The following AHDC1 variants were observed in gnomAD, a reference collection of about 807,000 sequenced individuals.
AHDC1 encodes the protein AT-hook DNA binding motif containing 1, also known as transcription factor Gibbin.
A neutral mutation model predicts 87.9 loss-of-function variants in AHDC1; 7 were observed. That is an observed-to-expected ratio of 0.08 (90% CI 0.05 to 0.15). The LOEUF is 0.15. Ranked by LOEUF, AHDC1 falls within the 10% of genes least tolerant of loss-of-function variation. The pLI is 1.00. For missense variants in AHDC1, 1,841 were observed against 2,253.2 expected, an observed-to-expected ratio of 0.82 and a Z score of 3.70; for synonymous variants, 1,051 against 1,006.8, an observed-to-expected ratio of 1.04 and a Z score of -0.83.
intron 3 of AHDC1, among the ~76,000 whole-genome samples, chr1:27,572,681 G>GAC (rs2088573011): frequency 6.6e-6 from 1 of 152,204 alleles, no homozygotes; most frequent in Admixed American, 6.5e-5. Context: ...CGCAGTGTGG[G>GAC]ACTGTGCTGA....
rs770063964 is a variant in AHDC1 at position 27,551,820 on chromosome 1, G to A, written c.296C>T (p.Thr99Ile). ...GGAGCTGCTGCCGTCTCCGACCGGT[G>A]TGGGGCAGCGGGCCTGTGAGACAGG... is the stretch of plus-strand genomic sequence containing the variant. ...ARPVSQARCPTPVGDGSSSRR... is the reference protein window; with the variant it reads ...ARPVSQARCPIPVGDGSSSRR... Residue 99 changes from threonine (T) to isoleucine (I), a missense_variant, in exon 8 of 9, where the codon ACA becomes ATA. Thr to Ile is a moderately conservative substitution (Grantham distance 89). Transcript: ENST00000673934. The A allele has an allele frequency of 6.2e-7, 1 of 1,612,140 alleles. No homozygotes were observed.
chr1:27,596,272 C>G (rs558935059), intron 3 of AHDC1, among the ~76,000 whole-genome samples: 22 of 152,208 alleles, frequency 1.4e-4, no homozygotes, highest in African/African-American at 5.1e-4. Context: ...GCAGCGGATC[C>G]AAGCCCACCC....
rs760400267 is a variant in AHDC1 at position 27,549,249 on chromosome 1, C to T, written c.2867G>A (p.Arg956His). ...GGCAGGCGGGTGGGTGGTAGGTGAG[C>T]GGGCCATGGCTGAGGGCGGGGGCAC... ...KLVPPPSAMA[R>H]SPTTHPPANT... The change falls in exon 8 of 9, where the codon CGC becomes CAC. Residue 956 changes from arginine to histidine, a missense_variant. Physicochemically the swap from Arg to His is conservative, Grantham distance 29. Coordinates refer to ENST00000673934, the MANE Select transcript of AHDC1 (RefSeq NM_001371928.1). 22 of 1,602,624 alleles carry T rather than the reference C, an allele frequency of 1.4e-5. No homozygotes were observed. The highest frequency in any genetic ancestry group is 6.7e-5 in the Admixed American group (4 of 59,584).
At position 27,593,245 on chromosome 1, in the gene AHDC1, C is replaced by A. The variant is rs2089277093; in HGVS notation, c.-629+10152G>T. ...TCCCCTCCCCCTCCACTCCTCCAGG[C>A]AGGCAGCGATAGGATTACTTCTGCA... On this transcript the variant is annotated intron_variant, in intron 3 of 8. Transcript: ENST00000673934. This position sits in a 1 kb window ranked among gnomAD's most constrained non-coding sequence, Gnocchi z 4.9. Among the ~76,000 whole-genome samples, 1 of 152,094 alleles carries A rather than the reference C, an allele frequency of 6.6e-6. No individual in the cohort carries two copies. The highest frequency in any genetic ancestry group is 2.1e-4 in the South Asian group (1 of 4,834).
In AHDC1 at chr1:27,580,431, C is replaced by G. The variant is rs139316490; in HGVS notation, c.-628-21548G>C. ...GAGCTGGCACCACTACCCCTCTTCC[C>G]TTTTCTCCTGCTCTGCTATCTCCAC... On this transcript the variant is annotated intron_variant, in intron 3 of 8. Coordinates refer to ENST00000673934, the MANE Select transcript of AHDC1 (RefSeq NM_001371928.1). Among the ~76,000 whole-genome samples the G allele has an allele frequency of 9.0e-3, 1,369 of 152,308 alleles. 20 individuals are homozygous for G. Among genetic ancestry groups the G allele is most frequent in the African/African-American group, 0.031 (1,281 of 41,550 alleles).
intron 3 of AHDC1, among the ~76,000 whole-genome samples, chr1:27,579,044 CTTTTTT>C (rs367554284): frequency 1.5e-5 from 2 of 133,326 alleles, no homozygotes; most frequent in Non-Finnish European, 3.3e-5. Flanking sequence ...TGTTCTAAAT[CTTTTTT>C]TTTTTTTTTT....
intron 8 of AHDC1, among the ~76,000 whole-genome samples, chr1:27,539,138 CTTTTTTTTTTTTT>C (rs112072152): frequency 1.3e-4 from 16 of 125,364 alleles, no homozygotes; most frequent in Middle Eastern, 8.5e-3. Flanking sequence ...TTTTTCTTTT[CTTTTTTTTTTTTT>C]TTTTTGGAGA....
chr1:27,543,047 C>A (rs2018999538), intron 8 of AHDC1, among the ~76,000 whole-genome samples: 2 of 152,238 alleles, frequency 1.3e-5, no homozygotes, highest in South Asian at 4.1e-4. Context: ...CCCAGAGCAG[C>A]TGCGGCCTGG....
Position 27,550,068 on chromosome 1 carries a change from G to A in AHDC1, c.2048C>T (p.Ala683Val), listed in dbSNP as rs1020489249. 20 of 1,606,522 alleles carry A rather than the reference G, an allele frequency of 1.2e-5. No individual in the cohort carries two copies. The highest frequency in any genetic ancestry group is 4.0e-5 in the African/African-American group (3 of 74,830). ...GGFGGRGGGH[A>V]AKSARCSFSD... ...GAAGGAGCATCGGGCTGACTTGGCC[G>A]CATGGCCCCCACCCCGGCCACCAAA... Residue 683 changes from alanine (A) to valine (V), a missense_variant, in exon 8 of 9, where the codon GCG becomes GTG. Transcript: ENST00000673934.
At position 27,558,791 on chromosome 1, in the gene AHDC1, A is replaced by G; in HGVS notation, c.-536T>C. On this transcript the variant is annotated 5_prime_UTR_variant, in exon 4 of 9. Transcript: ENST00000673934. This position sits in a 1 kb window ranked among gnomAD's most constrained non-coding sequence, Gnocchi z 5.6. ...CCAGGGTGGTCTCTGCAACGGCCTG[A>G]GCGTCGCCCCGCACTCGGGGCCCTC... 2 of 398,576 alleles carry G rather than the reference A, an allele frequency of 5.0e-6. No individual in the cohort carries two copies. The highest frequency in any genetic ancestry group is 8.8e-6 in the Non-Finnish European group (2 of 226,084). 24.7% of individuals were successfully genotyped at this position (398,576 alleles called of 1,614,324 possible). A position where few individuals can be genotyped will look rare whatever the true frequency, so the allele number is the denominator to read the frequency against.
intron 3 of AHDC1, among the ~76,000 whole-genome samples, chr1:27,571,520 T>TC (rs1423796545): frequency 3.3e-5 from 5 of 149,322 alleles, no homozygotes; most frequent in African/African-American, 5.0e-5. Context: ...CCCACAGCCC[T>TC]CCCCCCAGGC....
chr1:27,578,426 A>C (rs1002850441), intron 3 of AHDC1, among the ~76,000 whole-genome samples: 1 of 151,642 alleles, frequency 6.6e-6, no homozygotes. Flanking sequence ...CCATCTCTAC[A>C]AAAAATACAA....
At chr1:27,540,393 A>C (rs2018848425) in intron 8 of AHDC1, among the ~76,000 whole-genome samples, 2 of 150,680 alleles carry the variant, frequency 1.3e-5, no homozygotes, top group South Asian at 4.2e-4. Context: ...TCTTCAACTC[A>C]AGTTAAAAAA....
intron 3 of AHDC1, among the ~76,000 whole-genome samples, chr1:27,597,568 A>G (rs1171706752): frequency 2.0e-5 from 3 of 151,978 alleles, no homozygotes; most frequent in Admixed American, 6.6e-5. Flanking sequence ...TGAAAAGAGG[A>G]GCAGGGAGCA....
chr1:27,572,192 C>T (rs75754238), intron 3 of AHDC1, among the ~76,000 whole-genome samples: 1,622 of 152,206 alleles, frequency 0.011, 16 homozygotes, highest in Middle Eastern at 0.02. Context: ...AGTCTAATCC[C>T]GTGGTGGGGA....
intron 3 of AHDC1, among the ~76,000 whole-genome samples, chr1:27,574,381 C>T (rs905315211): frequency 2.0e-5 from 3 of 149,886 alleles, no homozygotes; most frequent in Non-Finnish European, 4.4e-5. Context: ...CTTCATTTCC[C>T]ACCCTTACTA....
chr1:27,545,747 A>C (rs1171651316), intron 8 of AHDC1, among the ~76,000 whole-genome samples: 1 of 151,648 alleles, frequency 6.6e-6, no homozygotes, highest in African/African-American at 2.4e-5. Context: ...ATGCTGCCAA[A>C]AAAAAAAAAA....
At position 27,593,310 on chromosome 1, in the gene AHDC1, T is replaced by G. The variant is rs984200769; in HGVS notation, c.-629+10087A>C. On this transcript the variant is annotated intron_variant, in intron 3 of 8. Transcript: ENST00000673934. This position sits in a 1 kb window ranked among gnomAD's most constrained non-coding sequence, Gnocchi z 4.9. ...ACAGGGTTCCAGAGACCCTCCTGCC[T>G]GCAGCAATCTTTAAAATTCCTCCAG... Among the ~76,000 whole-genome samples, 6 of 152,096 alleles carry G rather than the reference T, an allele frequency of 3.9e-5. No individual in the cohort carries two copies. The highest frequency in any genetic ancestry group is 7.4e-5 in the Non-Finnish European group (5 of 68,002).
intron 3 of AHDC1, among the ~76,000 whole-genome samples, chr1:27,585,725 G>A (rs1006109938): frequency 2.6e-5 from 4 of 151,852 alleles, no homozygotes; most frequent in African/African-American, 4.8e-5. Flanking sequence ...CCCATTTCCC[G>A]GCCTAATCAG....
Sources: gnomAD v4.1 joint callset for allele counts (sites outside exome capture counted in the v4.1 genomes callset) on GRCh38, gnomAD v4.1.1 for gene constraint, Gnocchi (gnomAD v3.1) non-coding constraint, MANE v1.5 for transcripts, NCBI Gene and HGNC (gene_info 2026-07-23, HGNC 2026-07-21) for gene names.